Variants in GIGYF2 observed in about 807,000 individuals in gnomAD.
GIGYF2 encodes the protein GRB10 interacting GYF protein 2.
A neutral mutation model predicts 208.1 loss-of-function variants in GIGYF2; 25 were observed. That is an observed-to-expected ratio of 0.12 (90% CI 0.09 to 0.17). The LOEUF (loss-of-function observed/expected upper bound fraction) is 0.17, where lower values mean the gene tolerates loss of function less well. Among genes scored for constraint, GIGYF2 ranks in the 10% least tolerant of loss-of-function variants. The pLI, the probability that GIGYF2 is intolerant of heterozygous loss-of-function variation, is 1.00. For missense variants in GIGYF2, 1,302 were observed against 1,579.4 expected (o/e 0.82, Z 2.98); for synonymous variants, 534 against 543.8 (o/e 0.98, Z 0.25).
At chr2:232,705,233 C>T (rs2106245769) in intron 2 of GIGYF2, among the ~76,000 whole-genome samples, 2 of 152,196 alleles carry the variant, frequency 1.3e-5, no homozygotes, top group African/African-American at 2.4e-5. Flanking sequence ...CAGGGTCCAA[C>T]TTCATAGACT....
intron 8 of GIGYF2, among the ~76,000 whole-genome samples, chr2:232,778,762 G>T (rs113511310): frequency 5.9e-5 from 9 of 152,166 alleles, no homozygotes. Context: ...GGTCCTGGGG[G>T]AAGGTATTGA....
At chr2:232,837,086 A>G (rs1701662677) in intron 22 of GIGYF2, among the ~76,000 whole-genome samples, 1 of 152,090 alleles carries the variant, frequency 6.6e-6, no homozygotes. Context: ...TCACGACCCT[A>G]GTGTTGGTGT....
At chr2:232,820,010 A>T in intron 21 of GIGYF2, 25 bp downstream of exon 21, 1 of 1,612,608 alleles carries the variant, frequency 6.2e-7, no homozygotes, top group Non-Finnish European at 8.5e-7. Flanking sequence ...TTGTCTTCTA[A>T]TTGTTCCTTT....
chr2:232,841,263 A>G (rs1017608708), intron 23 of GIGYF2, among the ~76,000 whole-genome samples: 8 of 152,078 alleles, frequency 5.3e-5, no homozygotes, highest in African/African-American at 1.7e-4. Flanking sequence ...CCTGTCTACC[A>G]GAAGTTAATA....
chr2:232,704,697 T>C (rs1216543033), intron 2 of GIGYF2, among the ~76,000 whole-genome samples: 1 of 149,842 alleles, frequency 6.7e-6, no homozygotes, highest in Non-Finnish European at 1.5e-5. Context: ...ACATATGGAC[T>C]TCTTAGTGCA....
At chr2:232,776,588 T>C (rs1481129235) in intron 8 of GIGYF2, 6 of 708,282 alleles carry the variant, frequency 8.5e-6, no homozygotes, top group Non-Finnish European at 1.3e-5. Context: ...TACATTCCTC[T>C]GTTTATAATG....
At chr2:232,761,030 GC>G (rs968483935) in intron 7 of GIGYF2, among the ~76,000 whole-genome samples, 17 of 151,926 alleles carry the variant, frequency 1.1e-4, no homozygotes, top group African/African-American at 4.1e-4. Flanking sequence ...ATTGATGTTG[GC>G]CTTATATAAT....
At chr2:232,831,556 C>G (rs1701425956) in intron 21 of GIGYF2, among the ~76,000 whole-genome samples, 1 of 152,220 alleles carries the variant, frequency 6.6e-6, no homozygotes, top group Non-Finnish European at 1.5e-5. Context: ...AGGATACTTT[C>G]AGCTCCAAAA....
intron 23 of GIGYF2, 34 bp downstream of exon 23, chr2:232,840,005 C>G (rs747691415): frequency 1.9e-6 from 3 of 1,605,160 alleles, no homozygotes; most frequent in Admixed American, 3.3e-5. Flanking sequence ...TCTAGTCAAG[C>G]GATGTTCCAG....
intron 2 of GIGYF2, among the ~76,000 whole-genome samples, chr2:232,706,970 T>G (rs1282459893): frequency 6.6e-6 from 1 of 151,516 alleles, no homozygotes; most frequent in Non-Finnish European, 1.5e-5. Flanking sequence ...AAAAAAATTT[T>G]TTTTTTCACA....
At position 232,781,038 on chromosome 2, in the gene GIGYF2, A is replaced by G. The variant is rs1030207877; in HGVS notation, c.533-6112A>G. Among the ~76,000 whole-genome samples, 8 of 151,820 alleles carry G rather than the reference A, an allele frequency of 5.3e-5. No homozygotes were observed. In the East Asian group the frequency reaches 1.4e-3, roughly 26 times the overall value. On this transcript the variant is annotated intron_variant, in intron 8 of 28. Transcript: ENST00000373563. ...AGTGGCACAATCTCGGCTCACTGCAACCTCCACCTCCCGGGTTCAAGTGAT... is the reference window on the plus strand; with the variant it reads ...AGTGGCACAATCTCGGCTCACTGCAGCCTCCACCTCCCGGGTTCAAGTGAT...
At chr2:232,788,425 C>G (rs1366312461) in intron 9 of GIGYF2, 4 of 307,564 alleles carry the variant, frequency 1.3e-5, no homozygotes, top group African/African-American at 8.8e-5. Context: ...AGTCTGTGAC[C>G]TGGGCCAGAT....
At chr2:232,829,714 T>TC (rs936843677) in intron 21 of GIGYF2, among the ~76,000 whole-genome samples, 5 of 151,828 alleles carry the variant, frequency 3.3e-5, no homozygotes, top group African/African-American at 1.2e-4. Flanking sequence ...CTTCCAAATT[T>TC]CCCCCCCAGG....
rs2289913 is a variant in GIGYF2, at chr2:232,790,651, A to G, written c.713-47A>G. ...CTATTCCTGATTTTCTTATTCAAAT[A>G]CTGTCATAAAACTTTTCTAAGGTTT... is the stretch of plus-strand genomic sequence containing the variant. On this transcript the variant is annotated intron_variant, in intron 9 of 28. Transcript: ENST00000373563. The G allele has an allele frequency of 0.069, 98,307 of 1,418,066 alleles. 4,372 individuals carry two copies. Among genetic ancestry groups the G allele is most frequent in the African/African-American group, 0.18 (12,632 of 71,262 alleles). The allele number at this position is 1,418,066 out of a possible 1,614,324, so 87.8% of individuals were successfully genotyped here. A position where few individuals can be genotyped will look rare whatever the true frequency, so the allele number is the denominator to read the frequency against.
chr2:232,851,018 C>T (rs184961822), intron 28 of GIGYF2, among the ~76,000 whole-genome samples: 73 of 152,226 alleles, frequency 4.8e-4, no homozygotes, highest in African/African-American at 1.6e-3. Context: ...GTGTTACCCA[C>T]GGCTATTTTT....
Position 232,749,524 on chromosome 2 carries a change from TGA to T in GIGYF2, c.267+452_267+453del, listed in dbSNP as rs368869092. Among the ~76,000 whole-genome samples the T allele has an allele frequency of 8.0e-3, 1,210 of 152,126 alleles. 14 individuals are homozygous for T. Among genetic ancestry groups the T allele is most frequent in the African/African-American group, 0.027 (1,120 of 41,514 alleles). ...GTGTGTGTGTGTGTCTGTGTGTGTG[TGA>T]GAGAGAGAGTGATGTGAGAAAGTAA... is the stretch of plus-strand genomic sequence containing the variant. On this transcript the variant is annotated intron_variant, in intron 5 of 28. Transcript: ENST00000373563.
chr2:232,813,641 T>C (rs1036434918), intron 18 of GIGYF2, among the ~76,000 whole-genome samples: 2 of 152,186 alleles, frequency 1.3e-5, no homozygotes, highest in Non-Finnish European at 2.9e-5. Context: ...TTTCTAGAGC[T>C]GTTGAGCCAT....
intron 6 of GIGYF2, among the ~76,000 whole-genome samples, chr2:232,757,478 C>T (rs114683852): frequency 0.011 from 1,700 of 152,094 alleles, 9 homozygotes; most frequent in Middle Eastern, 0.027. Context: ...GCTCCACAGG[C>T]AGTTCAGATT....
In GIGYF2 at chr2:232,794,811, T is replaced by C; in HGVS notation, c.1346T>C (p.Leu449Pro). 1 of 1,613,914 alleles carries C rather than the reference T, an allele frequency of 6.2e-7. No individual in the cohort carries two copies. The highest frequency in any genetic ancestry group is 1.1e-5 in the South Asian group (1 of 91,068). Residue 449 changes from leucine (L) to proline (P), a missense_variant, in exon 13 of 29, where the codon CTC (leucine) becomes CCC (proline). Coordinates refer to ENST00000373563, the MANE Select transcript of GIGYF2 (RefSeq NM_001103146.3). ...CCTTCAGATACAGCCTCTCCTCTTC[T>C]CATACTTCCACCTCCTGTTCCCAAT... is the stretch of plus-strand genomic sequence containing the variant. ...QIPSDTASPL[L>P]ILPPPVPNPS... is the part of the protein sequence containing the mutation.
Sources: gnomAD v4.1 joint callset for allele counts (sites outside exome capture counted in the v4.1 genomes callset) on GRCh38, gnomAD v4.1.1 for gene constraint, MANE v1.5 for transcripts, NCBI Gene and HGNC (gene_info 2026-07-23, HGNC 2026-07-21) for gene names.